SLC30A9: variants seen among roughly 807,000 people sequenced by gnomAD.
The protein encoded by SLC30A9 is proton-coupled zinc antiporter SLC30A9, mitochondrial.
SLC30A9 carries 58 observed loss-of-function variants against 87.5 expected under a neutral mutation model. The observed-to-expected ratio is 0.66, with a 90% CI of 0.54 to 0.82. The LOEUF is 0.82. Ranked by LOEUF, SLC30A9 falls within the 40% of genes least tolerant of loss-of-function variation. The probability of loss-of-function intolerance (pLI) is 0.00; values close to 1 mark genes in which losing one functional copy is unlikely to be tolerated. For synonymous variants in SLC30A9, 234 were observed against 233.0 expected, an observed-to-expected ratio of 1.00 and a Z score of -0.04; for missense variants, 557 against 679.1, an observed-to-expected ratio of 0.82 and a Z score of 2.00.
At chr4:41,994,885 G>A (rs149456371) in intron 1 of SLC30A9, among the ~76,000 whole-genome samples, 55 of 150,892 alleles carry the variant, frequency 3.6e-4, no homozygotes, top group Middle Eastern at 3.5e-3. Context: ...TGTTTAAAGA[G>A]GTTGGGGAGG....
Position 41,990,889 on chromosome 4 carries a change from C to G in SLC30A9, c.109+129C>G, listed in dbSNP as rs906638421. 18 of 687,820 alleles carry G rather than the reference C, an allele frequency of 2.6e-5. 1 individual carries two copies. In the South Asian group the frequency reaches 2.8e-4, roughly 11 times the overall value. 42.6% of individuals were successfully genotyped at this position (687,820 alleles called of 1,614,324 possible). On this transcript the variant is annotated intron_variant, in intron 1 of 17. Coordinates refer to ENST00000264451, the MANE Select transcript of SLC30A9 (RefSeq NM_006345.4). ...ACCTCAGAACCTTCCTTTCTGGCCT[C>G]CGCCTTTCCAGTTCAGCCTGCGCAG...
At chr4:42,044,859 G>C (rs1717078378) in intron 8 of SLC30A9, among the ~76,000 whole-genome samples, 1 of 151,818 alleles carries the variant, frequency 6.6e-6, no homozygotes, top group African/African-American at 2.4e-5. Context: ...AATCAAAACA[G>C]TCTCTCAGAC....
At chr4:42,030,122 G>C (rs1377107917) in intron 6 of SLC30A9, 5 of 902,540 alleles carry the variant, frequency 5.5e-6, no homozygotes, top group Non-Finnish European at 7.7e-6. Flanking sequence ...GTTAAGAGCT[G>C]ATCACAAGCA....
chr4:42,060,352 GATTTGGTC>G (rs1314301152), intron 10 of SLC30A9, 106 bp downstream of exon 10: 11 of 868,366 alleles, frequency 1.3e-5, no homozygotes, highest in African/African-American at 3.3e-5. Context: ...GTTTGTTCAA[GATTTGGTC>G]ATTTCTTCCA....
chr4:42,024,437 C>T (rs1231877440), intron 6 of SLC30A9, among the ~76,000 whole-genome samples: 1 of 152,186 alleles, frequency 6.6e-6, no homozygotes, highest in Non-Finnish European at 1.5e-5. Context: ...TTCTTTTTAA[C>T]AGTTGTATAG....
In SLC30A9 at chr4:42,000,230, G is replaced by A. The variant is rs568068574; in HGVS notation, c.110-1386G>A. 1.1e-4 allele frequency among the ~76,000 whole-genome samples: 8 copies of A among 69,588 alleles called. No individual in the cohort carries two copies. The Admixed American group carries it at 1.3e-3, about 12-fold the overall frequency. 45.7% of individuals were successfully genotyped at this position (69,588 alleles called of 152,430 possible). ...AATTCTATGAAAATATTTCATCAGT[G>A]TATGAAAAAAAAGTTAGTGGCATAT... On this transcript the variant is annotated intron_variant, in intron 1 of 17. Transcript: ENST00000264451.
chr4:42,035,357 T>C (rs112441493), intron 7 of SLC30A9, 24 bp downstream of exon 7: 11 of 1,597,156 alleles, frequency 6.9e-6, no homozygotes, highest in African/African-American at 6.7e-5. Flanking sequence ...TGTAATAATG[T>C]GTGTGTTTGT....
rs944196934 is a variant in SLC30A9 at position 42,048,229 on chromosome 4, TA to T, written c.738-1142del. Among the ~76,000 whole-genome samples the T allele has an allele frequency of 1.4e-3, 215 of 152,132 alleles. 3 individuals are homozygous for T. Among genetic ancestry groups the T allele is most frequent in the Admixed American group, 8.8e-3 (134 of 15,272 alleles). On this transcript the variant is annotated intron_variant, in intron 8 of 17. Coordinates refer to ENST00000264451, the MANE Select transcript of SLC30A9 (RefSeq NM_006345.4). ...TATCCCAAAACTTAAATTATAAATT[TA>T]AAAAATAAATAAACATTGTTTAAAA...
chr4:42,013,446 G>A lies in SLC30A9; in HGVS notation c.275-4665G>A, dbSNP rs79575062. Among the ~76,000 whole-genome samples the A allele has an allele frequency of 1.8e-3, 271 of 152,224 alleles. 1 individual carries two copies. Among genetic ancestry groups the A allele is most frequent in the Non-Finnish European group, 1.7e-3 (118 of 68,014 alleles). On this transcript the variant is annotated intron_variant, in intron 2 of 17. Coordinates refer to ENST00000264451, the MANE Select transcript of SLC30A9 (RefSeq NM_006345.4). ...AAAAAACTGTGGAGGAATATTACCA[G>A]ATTTCAAATTATACTACAGGGCTTT...
intron 12 of SLC30A9, 107 bp from the exon 13 acceptor site, chr4:42,066,443 C>T (rs957083682): frequency 1.7e-6 from 1 of 588,350 alleles, no homozygotes; most frequent in Non-Finnish European, 3.0e-6. Flanking sequence ...TTATTGCCAA[C>T]CCTAGTTTTA....
intron 6 of SLC30A9, among the ~76,000 whole-genome samples, chr4:42,027,823 G>A (rs949411422): frequency 2.6e-5 from 4 of 152,216 alleles, no homozygotes; most frequent in Admixed American, 2.6e-4. Context: ...AGCAAAGAAA[G>A]TGGGTTTCTA....
At chr4:41,996,250 C>T (rs953107442) in intron 1 of SLC30A9, among the ~76,000 whole-genome samples, 1 of 151,748 alleles carries the variant, frequency 6.6e-6, no homozygotes, top group Non-Finnish European at 1.5e-5. Flanking sequence ...TGTTAGCCAC[C>T]ACGCCTGGCT....
intron 9 of SLC30A9, among the ~76,000 whole-genome samples, chr4:42,058,419 C>T (rs1169039161): frequency 6.6e-6 from 1 of 152,198 alleles, no homozygotes; most frequent in African/African-American, 2.4e-5. Context: ...CAAACTTTCT[C>T]ACATTTTCCT....
At chr4:42,019,255 T>C (rs1177652917) in intron 3 of SLC30A9, among the ~76,000 whole-genome samples, 1 of 152,146 alleles carries the variant, frequency 6.6e-6, no homozygotes, top group Non-Finnish European at 1.5e-5. Flanking sequence ...ATAGAACACA[T>C]AAGTTTGTTA....
intron 1 of SLC30A9, among the ~76,000 whole-genome samples, chr4:41,993,227 A>C (rs1237020744): frequency 1.3e-5 from 2 of 151,346 alleles, no homozygotes; most frequent in African/African-American, 4.8e-5. Flanking sequence ...GTATATTCAA[A>C]ATATTTCAAC....
intron 3 of SLC30A9, among the ~76,000 whole-genome samples, chr4:42,019,950 C>T (rs1053858373): frequency 3.9e-5 from 6 of 152,186 alleles, no homozygotes; most frequent in African/African-American, 1.4e-4. Context: ...CCCACCACCA[C>T]ACCTGGCCAA....
chr4:42,044,201 A>G (rs2153137931), intron 8 of SLC30A9, among the ~76,000 whole-genome samples: 1 of 152,294 alleles, frequency 6.6e-6, no homozygotes, highest in Non-Finnish European at 1.5e-5. Context: ...TCAGATTCAC[A>G]CATAACAATA....
intron 12 of SLC30A9, 124 bp from the exon 13 acceptor site, chr4:42,066,426 C>T (rs1405937097): frequency 5.5e-6 from 3 of 543,420 alleles, no homozygotes; most frequent in Admixed American, 3.2e-5. Context: ...TAACATAGAA[C>T]TTGTCCTTAT....
intron 14 of SLC30A9, among the ~76,000 whole-genome samples, chr4:42,067,929 A>G (rs1718147804): frequency 6.6e-6 from 1 of 152,208 alleles, no homozygotes; most frequent in African/African-American, 2.4e-5. Flanking sequence ...ATGCAGGACA[A>G]TAACTGATGT....
Sources: allele counts gnomAD v4.1 joint callset (sites outside exome capture counted in the v4.1 genomes callset), GRCh38; gene constraint gnomAD v4.1.1; transcripts MANE v1.5; gene names NCBI Gene and HGNC (gene_info 2026-07-23, HGNC 2026-07-21).